The following TRIM47 variants were observed in gnomAD, a reference collection of about 807,000 sequenced individuals.
The protein encoded by TRIM47 is tripartite motif containing 47, also known as E3 ubiquitin-protein ligase TRIM47.
Under a neutral mutation model 54.4 loss-of-function variants are expected in TRIM47, and 46 were observed. The observed-to-expected ratio is 0.84, with a 90% CI of 0.67 to 1.08. The LOEUF (loss-of-function observed/expected upper bound fraction) is 1.08. Ranked by LOEUF, TRIM47 falls within the 50% of genes least tolerant of loss-of-function variation. TRIM47 has a pLI of 0.00. For missense variants in TRIM47, 825 were observed against 910.1 expected (o/e 0.91, Z 1.20); for synonymous variants, 392 against 410.2 (o/e 0.96, Z 0.54).
chr17:75,874,273 C>G lies in TRIM47; in HGVS notation c.*210G>C. On this transcript the variant is annotated 3_prime_UTR_variant, in exon 6 of 6. Transcript: ENST00000254816. The surrounding 1 kb of genome is among the most constrained non-coding windows in gnomAD (Gnocchi z 6.2). ...GGAGCTGTCCCAGCTGTAGCTCTGT[C>G]TCCCAGAAGTGAGGTCTGCAGGGGA... is the stretch of plus-strand genomic sequence containing the variant. The G allele has an allele frequency of 2.3e-6, 1 of 434,716 alleles. No individual in the cohort carries two copies. Among genetic ancestry groups the G allele is most frequent in the Non-Finnish European group, 4.0e-6 (1 of 249,728 alleles). The allele number at this position is 434,716 out of a possible 1,614,324, so 26.9% of individuals were successfully genotyped here.
intron 1 of TRIM47, chr17:75,877,055 A>T: frequency 1.8e-6 from 1 of 561,422 alleles, no homozygotes; most frequent in East Asian, 3.0e-5. Context: ...GGTCTCTGAC[A>T]GGAGGCCTAG....
chr17:75,877,826 C>T, intron 1 of TRIM47, 48 bp downstream of exon 1: 2 of 1,289,542 alleles, frequency 1.6e-6, no homozygotes, highest in Non-Finnish European at 2.0e-6. Context: ...CGCTCGCGCG[C>T]GGTCGGTCAC....
rs568476297 is a variant in TRIM47 at position 75,874,543 on chromosome 17, G to T, written c.1857C>A (p.Asp619Glu). The change falls in exon 6 of 6, where the codon GAC becomes GAA. Residue 619 changes from aspartate to glutamate, a missense_variant. Transcript: ENST00000254816. This position sits in a 1 kb window ranked among gnomAD's most constrained non-coding sequence, Gnocchi z 6.2. ...LKPAFFLESV[D>E]AHLQIGPLKK... ...TGAGGGGCCCGATCTGCAAGTGGGC[G>T]TCCACACTCTCCAGGAAGAAGGCAG... 5 of 1,519,366 alleles carry T rather than the reference G, an allele frequency of 3.3e-6. No individual in the cohort carries two copies. In the East Asian group the frequency reaches 1.1e-4, roughly 35 times the overall value. 94.1% of individuals were successfully genotyped at this position (1,519,366 alleles called of 1,614,324 possible).
Position 75,876,787 on chromosome 17 carries a change from G to C in TRIM47, c.702C>G (p.Ala234=), listed in dbSNP as rs144368754. 28 of 1,614,046 alleles carry C rather than the reference G, an allele frequency of 1.7e-5. No individual in the cohort carries two copies. Among genetic ancestry groups the C allele is most frequent in the Middle Eastern group, 1.6e-4 (1 of 6,084 alleles). Residue 234 remains alanine (A), a synonymous_variant, in exon 2 of 6, where the codon GCC becomes GCG. Coordinates refer to ENST00000254816, the MANE Select transcript of TRIM47 (RefSeq NM_033452.3). The part of the protein sequence containing the change: ...QEAEQSKVLS[A]VEDRMDELGA... ...CCAGCTCGTCCATGCGGTCCTCCAC[G>C]GCGCTCAGGACTTTGGACTGCTCAG... is the stretch of plus-strand genomic sequence containing the variant.
intron 3 of TRIM47, 24 bp downstream of exon 3, chr17:75,876,238 C>A: frequency 6.3e-7 from 1 of 1,589,092 alleles, no homozygotes; most frequent in Non-Finnish European, 8.6e-7. Context: ...CTGTTCCTTC[C>A]GTGGCCCCCA....
chr17:75,876,504 G>C lies in TRIM47; in HGVS notation c.772-12C>G, dbSNP rs780694137. The C allele has an allele frequency of 1.1e-5, 18 of 1,585,110 alleles. No individual in the cohort carries two copies. Among genetic ancestry groups the C allele is most frequent in the Non-Finnish European group, 1.5e-5 (17 of 1,166,922 alleles). On this transcript the variant is annotated splice_polypyrimidine_tract_variant and intron_variant, in intron 2 of 5. Transcript: ENST00000254816. ...GCTACGGCTGCACTCTGCACAGGAC[G>C]ACAGTAGAGGGGGCAATGAGGGCAA...
In TRIM47 at chr17:75,875,391, T is replaced by C. The variant is rs2065127297; in HGVS notation, c.1276+9A>G. The C allele has an allele frequency of 6.2e-7, 1 of 1,613,670 alleles. No individual in the cohort carries two copies. Among genetic ancestry groups the C allele is most frequent in the African/African-American group, 1.3e-5 (1 of 74,916 alleles). ...AGTGTGAGTGGAGGGGGCACGGGCG[T>C]CCACTTACACTTGAGGAAATAGTCC... On this transcript the variant is annotated intron_variant, in intron 5 of 5. Transcript: ENST00000254816. The surrounding 1 kb of genome is among the most constrained non-coding windows in gnomAD (Gnocchi z 6.1).
chr17:75,874,563 A>G lies in TRIM47; in HGVS notation c.1837T>C (p.Phe613Leu). The change falls in exon 6 of 6, where the codon TTC becomes CTC. Residue 613 changes from phenylalanine to leucine, a missense_variant. Phe to Leu is a conservative substitution (Grantham distance 22, BLOSUM62 0). Transcript: ENST00000254816. This position sits in a 1 kb window ranked among gnomAD's most constrained non-coding sequence, Gnocchi z 6.2. The part of the protein sequence containing the change: ...GLFTHRLKPA[F>L]FLESVDAHLQ... Reference sequence around the variant, plus strand: ...TGGGCGTCCACACTCTCCAGGAAGAAGGCAGGCTTGAGTCTGTGGGTGAAG... The same window carrying G: ...TGGGCGTCCACACTCTCCAGGAAGAGGGCAGGCTTGAGTCTGTGGGTGAAG... The G allele has an allele frequency of 6.5e-7, 1 of 1,530,004 alleles. No individual in the cohort carries two copies. Among genetic ancestry groups the G allele is most frequent in the South Asian group, 1.3e-5 (1 of 77,630 alleles). The allele number at this position is 1,530,004 out of a possible 1,614,324, so 94.8% of individuals were successfully genotyped here. A position where few individuals can be genotyped will look rare whatever the true frequency, so the allele number is the denominator to read the frequency against.
At position 75,876,781 on chromosome 17, in the gene TRIM47, C is replaced by T; in HGVS notation, c.708G>A (p.Glu236=). The change falls in exon 2 of 6, where the codon GAG becomes GAA. Residue 236 remains glutamate (E), a synonymous_variant. Coordinates refer to ENST00000254816, the MANE Select transcript of TRIM47 (RefSeq NM_033452.3). ...CAGCACCCAGCTCGTCCATGCGGTC[C>T]TCCACGGCGCTCAGGACTTTGGACT... ...AEQSKVLSAV[E]DRMDELGAGI... 9 of 1,614,188 alleles carry T rather than the reference C, an allele frequency of 5.6e-6. No homozygotes were observed. The highest frequency in any genetic ancestry group is 7.6e-6 in the Non-Finnish European group (9 of 1,180,024).
Position 75,875,883 on chromosome 17 carries a change from G to A in TRIM47, c.1201+18C>T. The A allele has an allele frequency of 2.5e-6, 4 of 1,607,662 alleles. No homozygotes were observed. Among genetic ancestry groups the A allele is most frequent in the South Asian group, 1.1e-5 (1 of 90,594 alleles). On this transcript the variant is annotated intron_variant, in intron 4 of 5. Transcript: ENST00000254816. This position sits in a 1 kb window ranked among gnomAD's most constrained non-coding sequence, Gnocchi z 6.1. ...TGGCAGAGGGTGAGTCATCGGGGGG[G>A]CGTGGGGCGGTGCCCACCTTCCGAG...
At position 75,875,005 on chromosome 17, in the gene TRIM47, G is replaced by A; in HGVS notation, c.1395C>T (p.Phe465=). ...CGCCCAGCACCTGCTCACAATGGGT[G>A]AAGCGGGTGGGCGACAAGGGGTAGT... ...PINYPLSPTR[F]THCEQVLGEG... is the part of the protein sequence containing the mutation. Residue 465 remains phenylalanine (F), a synonymous_variant, in exon 6 of 6, where the codon TTC becomes TTT. Coordinates refer to ENST00000254816, the MANE Select transcript of TRIM47 (RefSeq NM_033452.3). This position sits in a 1 kb window ranked among gnomAD's most constrained non-coding sequence, Gnocchi z 6.1. 1 of 1,614,128 alleles carries A rather than the reference G, an allele frequency of 6.2e-7. No individual in the cohort carries two copies. Among genetic ancestry groups the A allele is most frequent in the Non-Finnish European group, 8.5e-7 (1 of 1,180,014 alleles).
In TRIM47 at chr17:75,876,506, CA is replaced by C. The variant is rs771016648; in HGVS notation, c.772-15del. 8.2e-6 allele frequency: 13 copies of C among 1,584,046 alleles called. No individual in the cohort carries two copies. The Admixed American group carries it at 1.0e-4, about 13-fold the overall frequency. ...TACGGCTGCACTCTGCACAGGACGA[CA>C]GTAGAGGGGGCAATGAGGGCAAAGA... On this transcript the variant is annotated splice_polypyrimidine_tract_variant and intron_variant, in intron 2 of 5. Coordinates refer to ENST00000254816, the MANE Select transcript of TRIM47 (RefSeq NM_033452.3).
In TRIM47 at chr17:75,875,290, C is replaced by T; in HGVS notation, c.1276+110G>A. On this transcript the variant is annotated intron_variant, in intron 5 of 5. Transcript: ENST00000254816. The surrounding 1 kb of genome is among the most constrained non-coding windows in gnomAD (Gnocchi z 6.1). ...CCAGGAGCTGCCCTAGCTCTCCCCA[C>T]AAACTGGGGAGAGGAATCCTAACCC... 1 of 1,442,462 alleles carries T rather than the reference C, an allele frequency of 6.9e-7. No homozygotes were observed. The highest frequency in any genetic ancestry group is 1.2e-5 in the South Asian group (1 of 86,094). The allele number at this position is 1,442,462 out of a possible 1,614,324, so 89.4% of individuals were successfully genotyped here.
In TRIM47 at chr17:75,878,430, C is replaced by T; in HGVS notation, c.119G>A (p.Arg40His). 7.0e-7 allele frequency: 1 copy of T among 1,429,388 alleles called. No homozygotes were observed. The allele number at this position is 1,429,388 out of a possible 1,614,324, so 88.5% of individuals were successfully genotyped here. ...GGGTCCGCCGGCTCCACTCGCGCCA[C>T]GATGCGGCCAGAGCGCGCCCAGGCA... is the stretch of plus-strand genomic sequence containing the variant. ...LACLGALWPH[R>H]GASGAGGPGG... The change falls in exon 1 of 6, where the codon CGT becomes CAT. Residue 40 changes from arginine to histidine, a missense_variant. By Grantham distance (29) the Arg-to-His change is conservative. Coordinates refer to ENST00000254816, the MANE Select transcript of TRIM47 (RefSeq NM_033452.3).
rs1231227230 is a variant in TRIM47 at position 75,878,391 on chromosome 17, C to T, written c.158G>A (p.Arg53His). ...SGAGGPGGAA[R>H]CPLCQEPFPD... ...GAAGGGCTCCTGGCACAGCGGGCAGCGGGCCGCGCCTCCGGGTCCGCCGGC... is the reference window on the plus strand; with the variant it reads ...GAAGGGCTCCTGGCACAGCGGGCAGTGGGCCGCGCCTCCGGGTCCGCCGGC... Residue 53 changes from arginine to histidine, a missense_variant, in exon 1 of 6, where the codon CGC (arginine) becomes CAC (histidine). Coordinates refer to ENST00000254816, the MANE Select transcript of TRIM47 (RefSeq NM_033452.3). 2 of 1,414,798 alleles carry T rather than the reference C, an allele frequency of 1.4e-6. No individual in the cohort carries two copies. The highest frequency in any genetic ancestry group is 2.6e-5 in the Admixed American group (1 of 38,244). 87.6% of individuals were successfully genotyped at this position (1,414,798 alleles called of 1,614,324 possible).
Position 75,878,276 on chromosome 17 carries a change from C to CGGGCCG in TRIM47, c.267_272dup (p.Gly90_Pro91dup), listed in dbSNP as rs906223054. 13 of 1,257,868 alleles carry CGGGCCG rather than the reference C, an allele frequency of 1.0e-5. No homozygotes were observed. The African/African-American group carries it at 1.2e-4, about 12-fold the overall frequency. 77.9% of individuals were successfully genotyped at this position (1,257,868 alleles called of 1,614,324 possible). On this transcript the variant is annotated inframe_insertion, in exon 1 of 6. Transcript: ENST00000254816. ...AGGGCTCCGGGGCCAGGGCAGGGGC[C>CGGGCCG]GGGCCGGGGCCGGACCCGGGGCCCG...
In TRIM47 at chr17:75,877,937, G is replaced by A. The variant is rs775996743; in HGVS notation, c.612C>T (p.Cys204=). Reference sequence around the variant, plus strand: ...CGTGGCCGCGGTGCTCCTGTGCGGCGCAGGCCTCGCACAGACACACGCGCT... The same window carrying A: ...CGTGGCCGCGGTGCTCCTGTGCGGCACAGGCCTCGCACAGACACACGCGCT... ...RAERVCLCEA[C]AAQEHRGHEL... The change falls in exon 1 of 6, where the codon TGC becomes TGT. Residue 204 remains cysteine, a synonymous_variant. Coordinates refer to ENST00000254816, the MANE Select transcript of TRIM47 (RefSeq NM_033452.3). 2 of 1,444,960 alleles carry A rather than the reference G, an allele frequency of 1.4e-6. No homozygotes were observed. Among genetic ancestry groups the A allele is most frequent in the Non-Finnish European group, 9.1e-7 (1 of 1,103,304 alleles). 89.5% of individuals were successfully genotyped at this position (1,444,960 alleles called of 1,614,324 possible).
In TRIM47 at chr17:75,874,604, C is replaced by T; in HGVS notation, c.1796G>A (p.Ser599Asn). The T allele has an allele frequency of 6.4e-7, 1 of 1,554,408 alleles. No homozygotes were observed. The highest frequency in any genetic ancestry group is 8.7e-7 in the Non-Finnish European group (1 of 1,151,114). ...PIDPFQSRLDSHFAGLFTHRL... is the reference protein window; with the variant it reads ...PIDPFQSRLDNHFAGLFTHRL... ...GTGGGTGAAGAGCCCCGCAAAGTGA[C>T]TGTCCAGGCGGCTCTGGAAGGGGTC... Residue 599 changes from serine to asparagine, a missense_variant, in exon 6 of 6, where the codon AGT becomes AAT. By Grantham distance (46) the Ser-to-Asn change is conservative. Transcript: ENST00000254816. This position sits in a 1 kb window ranked among gnomAD's most constrained non-coding sequence, Gnocchi z 6.2.
rs2065135193 is a variant in TRIM47, at chr17:75,876,425, C to G, written c.839G>C (p.Gly280Ala). 3 of 1,611,666 alleles carry G rather than the reference C, an allele frequency of 1.9e-6. No individual in the cohort carries two copies. In the South Asian group the frequency reaches 3.3e-5, roughly 18 times the overall value. ...LFADAAAALQ[G>A]FQTQVLGFIE... ...GAAGCCCAGCACCTGGGTCTGGAAG[C>G]CCTGCAGGGCGGCCGCAGCATCTGC... Residue 280 changes from glycine (G) to alanine (A), a missense_variant, in exon 3 of 6, where the codon GGC becomes GCC. Transcript: ENST00000254816.
Sources: allele counts gnomAD v4.1 joint callset, GRCh38; gene constraint gnomAD v4.1.1; non-coding constraint Gnocchi (gnomAD v3.1); transcripts MANE v1.5; gene names NCBI Gene and HGNC (gene_info 2026-07-23, HGNC 2026-07-21).